Variants in CHAT observed in about 807,000 individuals in gnomAD.
CHAT encodes the protein choline O-acetyltransferase.
CHAT carries 61 observed loss-of-function variants against 76.9 expected under a neutral mutation model. The ratio of observed to expected loss-of-function variants is 0.79; its 90% CI spans 0.65 to 0.98. CHAT has a LOEUF of 0.98. Among genes scored for constraint, CHAT ranks in the 50% least tolerant of loss-of-function variants. CHAT has a pLI of 0.00. For missense variants in CHAT, 946 were observed against 986.9 expected (o/e 0.96, Z 0.56); for synonymous variants, 407 against 397.4 (o/e 1.02, Z -0.29).
chr10:49,658,205 A>G (rs1486240839), intron 13 of CHAT, among the ~76,000 whole-genome samples: 2 of 152,158 alleles, frequency 1.3e-5, no homozygotes, highest in East Asian at 3.9e-4. Context: ...AACATGGTGA[A>G]ACCCTGTCTC....
At chr10:49,649,765 G>A (rs532476678) in intron 10 of CHAT, 129 bp downstream of exon 10, 49 of 934,028 alleles carry the variant, frequency 5.2e-5, no homozygotes, top group African/African-American at 4.1e-4. Context: ...GCTCCACCTC[G>A]TCCCCATCCC....
At chr10:49,659,705 TA>T (rs1840133734) in intron 13 of CHAT, among the ~76,000 whole-genome samples, 1 of 151,714 alleles carries the variant, frequency 6.6e-6, no homozygotes, top group Admixed American at 6.6e-5. Flanking sequence ...CTACTAAAAA[TA>T]CAAAAAATAG....
In CHAT at chr10:49,614,323, C is replaced by G. The variant is rs1029783482; in HGVS notation, c.134C>G (p.Pro45Arg). ...CFLQSGGRGD[P>R]GDVGGPAGNP... ...CTCCAGTCGGGTGGCCGCGGGGACC[C>G]GGGCGACGTCGGAGGCCCTGCCGGG... Residue 45 changes from proline (P) to arginine (R), a missense_variant, in exon 1 of 15, where the codon CCG becomes CGG. This residue lies in a region of CHAT where 548 missense variants were observed against 516.2 expected (regional missense o/e 1.06). Coordinates refer to ENST00000337653, the MANE Select transcript of CHAT (RefSeq NM_020549.5). 2.6e-6 allele frequency: 4 copies of G among 1,547,478 alleles called. No individual in the cohort carries two copies. The highest frequency in any genetic ancestry group is 1.2e-5 in the South Asian group (1 of 83,918).
In CHAT at chr10:49,616,590, C is replaced by T; in HGVS notation, c.375C>T (p.Ser125=). 1 of 1,608,756 alleles carries T rather than the reference C, an allele frequency of 6.2e-7. No homozygotes were observed. Among genetic ancestry groups the T allele is most frequent in the East Asian group, 2.2e-5 (1 of 44,636 alleles). ...GTAAGATGGCAGCAAAAACTCCCAG[C>T]AGTGAGGAGTCTGTGAGTGACTTTT... ...VPRKMAAKTP[S]SEESGLPKLP... The change falls in exon 2 of 15, where the codon AGC becomes AGT. Residue 125 remains serine, a synonymous_variant. Transcript: ENST00000337653.
At chr10:49,618,271 A>T (rs893515188) in intron 2 of CHAT, among the ~76,000 whole-genome samples, 8 of 152,176 alleles carry the variant, frequency 5.3e-5, no homozygotes, top group Admixed American at 4.6e-4. Flanking sequence ...ATAAATTAAG[A>T]CTGACCAGGA....
intron 8 of CHAT, 107 bp downstream of exon 8, chr10:49,646,781 G>A: frequency 7.7e-7 from 1 of 1,296,832 alleles, no homozygotes; most frequent in Non-Finnish European, 1.1e-6. Context: ...GCTTGTGTCT[G>A]GCAGGCGCAC....
intron 7 of CHAT, among the ~76,000 whole-genome samples, chr10:49,628,090 G>A (rs1838990107): frequency 1.3e-5 from 2 of 152,088 alleles, no homozygotes; most frequent in African/African-American, 4.8e-5. Flanking sequence ...AAGTGAGCAG[G>A]TGTGTTTTCC....
chr10:49,615,241 C>T (rs909889405), intron 1 of CHAT, among the ~76,000 whole-genome samples: 1 of 152,200 alleles, frequency 6.6e-6, no homozygotes, highest in African/African-American at 2.4e-5. Flanking sequence ...TGACCTTGTC[C>T]TTGCTGTCCT....
intron 13 of CHAT, among the ~76,000 whole-genome samples, chr10:49,657,905 A>T (rs1338511625): frequency 1.3e-5 from 2 of 152,252 alleles, no homozygotes; most frequent in Admixed American, 1.3e-4. Flanking sequence ...AAGAAGAGCT[A>T]CTGTAAGGAC....
rs1414164450 is a variant in CHAT at position 49,616,514 on chromosome 10, G to A, written c.299G>A (p.Cys100Tyr). ...AEPRRAGPHL[C>Y]IPAPGLTKTP... Reference sequence around the variant, plus strand: ...TCTTGGTCCCCAGGTCCACACCTCTGCATCCCTGCACCAGGACTCACCAAG... The same window carrying A: ...TCTTGGTCCCCAGGTCCACACCTCTACATCCCTGCACCAGGACTCACCAAG... Residue 100 changes from cysteine (C) to tyrosine (Y), a missense_variant, in exon 2 of 15, where the codon TGC becomes TAC. Physicochemically the swap from Cys to Tyr is radical, Grantham distance 194. Transcript: ENST00000337653. The A allele has an allele frequency of 1.2e-6, 2 of 1,612,236 alleles. No homozygotes were observed. The highest frequency in any genetic ancestry group is 1.7e-6 in the Non-Finnish European group (2 of 1,179,108).
intron 1 of CHAT, among the ~76,000 whole-genome samples, chr10:49,615,105 T>C (rs1422528209): frequency 1.3e-5 from 2 of 149,944 alleles, no homozygotes; most frequent in Non-Finnish European, 3.0e-5. Flanking sequence ...CCCACCCAGC[T>C]CTGCCTTCTT....
At chr10:49,660,736 G>A (rs1840168926) in intron 13 of CHAT, among the ~76,000 whole-genome samples, 1 of 152,108 alleles carries the variant, frequency 6.6e-6, no homozygotes. Flanking sequence ...TTGCCATAGG[G>A]TTGTGTTAAT....
At chr10:49,637,011 G>A (rs34488451) in intron 7 of CHAT, among the ~76,000 whole-genome samples, 17,019 of 151,092 alleles carry the variant, frequency 0.11, 1,366 homozygotes, top group East Asian at 0.44. Flanking sequence ...TTTCATTCCT[G>A]ATATTGGTGG....
chr10:49,662,776 T>C lies in CHAT; in HGVS notation c.1971T>C (p.Thr657=), dbSNP rs368254411. 10 of 1,614,064 alleles carry C rather than the reference T, an allele frequency of 6.2e-6. No individual in the cohort carries two copies. The African/African-American group carries it at 1.3e-4, about 22-fold the overall frequency. ...TGAGCAACCGGTTTGTCCTCTCCACTAGCCAGGTACGGCCCCGTGCAGCTA... is the reference window on the plus strand; with the variant it reads ...TGAGCAACCGGTTTGTCCTCTCCACCAGCCAGGTACGGCCCCGTGCAGCTA... ...YLMSNRFVLS[T]SQVPTTTEMF... Residue 657 remains threonine, a synonymous_variant, in exon 14 of 15, where the codon ACT becomes ACC. Transcript: ENST00000337653.
chr10:49,660,066 G>C (rs1186059744), intron 13 of CHAT, among the ~76,000 whole-genome samples: 1 of 152,144 alleles, frequency 6.6e-6, no homozygotes, highest in East Asian at 1.9e-4. Flanking sequence ...GCTGTATCTT[G>C]ATCAAACTAC....
intron 9 of CHAT, among the ~76,000 whole-genome samples, chr10:49,648,912 G>A (rs887630629): frequency 6.6e-6 from 1 of 152,160 alleles, no homozygotes; most frequent in African/African-American, 2.4e-5. Flanking sequence ...GATACCTATT[G>A]CTTATCCTGA....
intron 2 of CHAT, among the ~76,000 whole-genome samples, chr10:49,617,010 C>T (rs1838521746): frequency 6.6e-6 from 1 of 152,178 alleles, no homozygotes; most frequent in African/African-American, 2.4e-5. Context: ...GCCTTGGAGC[C>T]TTAGGCACCA....
chr10:49,610,722 A>G (rs1590542117), upstream of CHAT: 1 of 1,478,740 alleles, frequency 6.8e-7, no homozygotes, highest in Non-Finnish European at 8.9e-7. Flanking sequence ...CGTCCTCGGA[A>G]GAGCATCGGG....
rs61132699 is a variant in CHAT, at chr10:49,646,690, G to A, written c.1281+16G>A. 5,891 of 1,612,402 alleles carry A rather than the reference G, an allele frequency of 3.7e-3. 185 individuals carry two copies. The African/African-American group carries it at 0.066, about 18-fold the overall frequency. ...GTCCCTGCAGGTAAGCCGTCCAGGT[G>A]GCCCTGCAAGAGCACAGCCATGCCC... On this transcript the variant is annotated intron_variant, in intron 8 of 14. Coordinates refer to ENST00000337653, the MANE Select transcript of CHAT (RefSeq NM_020549.5).
Sources: allele counts gnomAD v4.1 joint callset (sites outside exome capture counted in the v4.1 genomes callset), GRCh38; gene constraint gnomAD v4.1.1; regional missense constraint gnomAD v4.1.1; transcripts MANE v1.5; gene names NCBI Gene and HGNC (gene_info 2026-07-23, HGNC 2026-07-21).